Variants in LINGO2 observed in about 807,000 individuals in gnomAD.
LINGO2 encodes the protein leucine rich repeat and Ig domain containing 2, also known as leucine-rich repeat and immunoglobulin-like domain-containing nogo receptor-interacting protein 2.
LINGO2 carries 14 observed loss-of-function variants against 30.6 expected under a neutral mutation model. That is an observed-to-expected ratio of 0.46 (90% CI 0.30 to 0.72). LINGO2 has a LOEUF of 0.72. Among genes scored for constraint, LINGO2 ranks in the 30% least tolerant of loss-of-function variants. LINGO2 has a pLI of 0.07. For missense variants in LINGO2, 729 were observed against 751.7 expected (o/e 0.97, Z 0.35); for synonymous variants, 317 against 288.5 (o/e 1.10, Z -1.00).
At chr9:29,111,288 C>G in the LINGO2 span, among the ~76,000 whole-genome samples, 1 of 152,114 alleles carries the variant, frequency 6.6e-6, no homozygotes, top group South Asian at 2.1e-4. Flanking sequence ...TCTCCTTGTC[C>G]AATTCTAAGT....
chr9:28,299,606 T>C (rs1824060264), intron 3 of LINGO2, among the ~76,000 whole-genome samples: 1 of 152,178 alleles, frequency 6.6e-6, no homozygotes, highest in East Asian at 1.9e-4. Context: ...GAGAAGTTTA[T>C]ACTATAATAA....
intron 4 of LINGO2, among the ~76,000 whole-genome samples, chr9:28,228,996 A>G (rs751892085): frequency 2.0e-5 from 3 of 151,764 alleles, no homozygotes; most frequent in Non-Finnish European, 4.4e-5. Flanking sequence ...TCATATAAGC[A>G]TCCAGTATTT....
At chr9:27,984,072 G>A (rs1821012035) in intron 5 of LINGO2, among the ~76,000 whole-genome samples, 1 of 151,820 alleles carries the variant, frequency 6.6e-6, no homozygotes, top group Non-Finnish European at 1.5e-5. Context: ...ATACTGTGTG[G>A]GGCAGTGGAC....
intron 1 of LINGO2, among the ~76,000 whole-genome samples, chr9:28,629,629 A>G (rs575769351): frequency 6.6e-6 from 1 of 152,244 alleles, no homozygotes; most frequent in South Asian, 2.1e-4. Context: ...CCCACATCTG[A>G]AAATACAGCT....
the LINGO2 span, among the ~76,000 whole-genome samples, chr9:28,688,686 CG>C: frequency 6.6e-6 from 1 of 152,072 alleles, no homozygotes; most frequent in Non-Finnish European, 1.5e-5. Context: ...CACAACTAAG[CG>C]CAGGCAGGCA....
At chr9:28,235,504 C>T (rs578050823) in intron 4 of LINGO2, among the ~76,000 whole-genome samples, 1 of 152,208 alleles carries the variant, frequency 6.6e-6, no homozygotes, top group Admixed American at 6.5e-5. Flanking sequence ...AACAAGGTAC[C>T]AGGGACAATC....
At chr9:28,094,514 T>A (rs1299914240) in intron 4 of LINGO2, among the ~76,000 whole-genome samples, 1 of 102,524 alleles carries the variant, frequency 9.8e-6, no homozygotes, top group Admixed American at 9.3e-5. Context: ...AAAGGGGATA[T>A]GTGTGTGTGT....
intron 1 of LINGO2, among the ~76,000 whole-genome samples, chr9:28,625,255 A>T (rs1227310738): frequency 6.6e-6 from 1 of 152,086 alleles, no homozygotes; most frequent in Non-Finnish European, 1.5e-5. Context: ...TTTCTGCGTG[A>T]CAGGATAGCA....
chr9:28,566,012 T>G (rs544033180), intron 1 of LINGO2, among the ~76,000 whole-genome samples: 19 of 152,212 alleles, frequency 1.2e-4, no homozygotes, highest in Admixed American at 5.2e-4. Flanking sequence ...TTTGTGAAAC[T>G]TTTTTTCATT....
chr9:28,654,569 A>G (rs1228127118), intron 1 of LINGO2, among the ~76,000 whole-genome samples: 1 of 152,106 alleles, frequency 6.6e-6, no homozygotes, highest in Non-Finnish European at 1.5e-5. Context: ...CAGTTTATTC[A>G]TCTTGTGAAG....
intron 1 of LINGO2, among the ~76,000 whole-genome samples, chr9:28,484,253 T>G (rs1826083610): frequency 6.6e-6 from 1 of 152,060 alleles, no homozygotes; most frequent in African/African-American, 2.4e-5. Flanking sequence ...TATACCAGCT[T>G]TTGTTGACAA....
the LINGO2 span, among the ~76,000 whole-genome samples, chr9:29,009,138 C>G: frequency 6.6e-6 from 1 of 152,234 alleles, no homozygotes; most frequent in East Asian, 1.9e-4. Context: ...CAGGGATGCC[C>G]TCTCTCACCA....
In LINGO2 at chr9:27,962,550, C is replaced by G. The variant is rs146298002; in HGVS notation, c.-35-11844G>C. ...CCTTTACATCTGGAACTGCTCCCCC[C>G]CTTCTACGACTGTCCTTCAGCTAGG... On this transcript the variant is annotated intron_variant, in intron 5 of 5. Coordinates refer to ENST00000379992, the Ensembl canonical transcript of LINGO2. Among the ~76,000 whole-genome samples, 1,152 of 152,244 alleles carry G rather than the reference C, an allele frequency of 7.6e-3. 12 individuals are homozygous for G. Among genetic ancestry groups the G allele is most frequent in the African/African-American group, 0.021 (875 of 41,538 alleles).
chr9:29,164,611 C>T, the LINGO2 span, among the ~76,000 whole-genome samples: 10 of 151,920 alleles, frequency 6.6e-5, no homozygotes, highest in Admixed American at 5.9e-4. Flanking sequence ...ATAATAAAAA[C>T]GTAATTACGC....
chr9:29,113,169 T>C, the LINGO2 span, among the ~76,000 whole-genome samples: 1 of 152,198 alleles, frequency 6.6e-6, no homozygotes, highest in Non-Finnish European at 1.5e-5. Flanking sequence ...TTAAAATACT[T>C]GCACTAACTT....
the LINGO2 span, among the ~76,000 whole-genome samples, chr9:28,992,051 A>C: frequency 6.6e-6 from 1 of 152,216 alleles, no homozygotes; most frequent in Non-Finnish European, 1.5e-5. Context: ...AAATGCTCCA[A>C]TTAAAAGACA....
At chr9:27,971,271 A>C (rs1318548107) in intron 5 of LINGO2, among the ~76,000 whole-genome samples, 2 of 145,286 alleles carry the variant, frequency 1.4e-5, no homozygotes, top group Middle Eastern at 7.0e-3. Flanking sequence ...TTTTTTTCTT[A>C]TTATGCCCTC....
At chr9:28,180,587 T>G (rs1828884038) in intron 4 of LINGO2, among the ~76,000 whole-genome samples, 1 of 152,178 alleles carries the variant, frequency 6.6e-6, no homozygotes, top group African/African-American at 2.4e-5. Flanking sequence ...CATCTTCACT[T>G]TATCCTCACT....
chr9:28,802,927 C>A, the LINGO2 span, among the ~76,000 whole-genome samples: 1 of 151,876 alleles, frequency 6.6e-6, no homozygotes, highest in African/African-American at 2.4e-5. Flanking sequence ...CCTCATGTCC[C>A]GGGAGTCAAT....
Sources: allele counts gnomAD v4.1 joint callset (sites outside exome capture counted in the v4.1 genomes callset), GRCh38; gene constraint gnomAD v4.1.1; transcripts MANE v1.5; gene names NCBI Gene and HGNC (gene_info 2026-07-23, HGNC 2026-07-21).